NGEF: variants seen among roughly 807,000 people sequenced by gnomAD.
NGEF encodes the protein ephexin-1.
Under a neutral mutation model 80.9 loss-of-function variants are expected in NGEF, and 31 were observed. The ratio of observed to expected loss-of-function variants is 0.38; its 90% CI spans 0.29 to 0.52. The LOEUF is 0.52. NGEF is among the 20% of genes least tolerant of loss of function. NGEF has a pLI of 0.84. For missense variants in NGEF, 709 were observed against 926.2 expected, an observed-to-expected ratio of 0.77 and a Z score of 3.04; for synonymous variants, 371 against 370.2, an observed-to-expected ratio of 1.00 and a Z score of -0.03.
intron 4 of NGEF, 145 bp downstream of exon 4, chr2:232,926,899 C>G (rs1274726740): frequency 5.7e-6 from 6 of 1,058,266 alleles, no homozygotes; most frequent in Admixed American, 2.3e-5. Flanking sequence ...CATTTAGAGC[C>G]AAACATGTCA....
rs116542264 is a variant in NGEF, at chr2:232,947,005, T to C, written c.384-19819A>G. Among the ~76,000 whole-genome samples, 443 of 152,284 alleles carry C rather than the reference T, an allele frequency of 2.9e-3. 1 individual carries two copies. Among genetic ancestry groups the C allele is most frequent in the African/African-American group, 0.01 (416 of 41,562 alleles). On this transcript the variant is annotated intron_variant, in intron 3 of 14. Transcript: ENST00000264051. ...TGAGGAGTGCTAGAACATTCCCATTTTGCAAAAATGTAATAGTTGGTTCAG... is the reference window on the plus strand; with the variant it reads ...TGAGGAGTGCTAGAACATTCCCATTCTGCAAAAATGTAATAGTTGGTTCAG...
chr2:232,930,476 C>T (rs558086010), intron 3 of NGEF, among the ~76,000 whole-genome samples: 5 of 152,204 alleles, frequency 3.3e-5, no homozygotes, highest in South Asian at 2.1e-4. Flanking sequence ...CCCGCCACCA[C>T]GCCTGGCTAA....
chr2:232,879,426 C>G lies in NGEF; in HGVS notation c.*63G>C, dbSNP rs539273364. The G allele has an allele frequency of 2.8e-6, 4 of 1,435,492 alleles. No individual in the cohort carries two copies. Among genetic ancestry groups the G allele is most frequent in the East Asian group, 2.3e-5 (1 of 43,382 alleles). 88.9% of individuals were successfully genotyped at this position (1,435,492 alleles called of 1,614,324 possible). On this transcript the variant is annotated 3_prime_UTR_variant, in exon 15 of 15. Coordinates refer to ENST00000264051, the MANE Select transcript of NGEF (RefSeq NM_019850.3). ...CTGGCCTGTGCTTCCCAGAGCCCCC[C>G]CCCCCCCACCTTCTGTCGGGGTCTC...
intron 5 of NGEF, among the ~76,000 whole-genome samples, chr2:232,917,827 G>C (rs1050551828): frequency 1.3e-5 from 2 of 152,042 alleles, no homozygotes; most frequent in Admixed American, 1.3e-4. Context: ...AGGCCGGAGG[G>C]CAGTGGCACC....
At chr2:232,991,699 G>T (rs1172707311) in intron 1 of NGEF, among the ~76,000 whole-genome samples, 2 of 152,146 alleles carry the variant, frequency 1.3e-5, no homozygotes, top group African/African-American at 4.8e-5. Flanking sequence ...AACACGACTT[G>T]ATTAAAATCC....
At chr2:232,903,112 G>A (rs1047986946) in intron 5 of NGEF, among the ~76,000 whole-genome samples, 3 of 152,350 alleles carry the variant, frequency 2.0e-5, no homozygotes, top group Admixed American at 6.5e-5. Flanking sequence ...TATGTGGCTA[G>A]TGTGTGAAGG....
intron 4 of NGEF, among the ~76,000 whole-genome samples, chr2:232,923,048 C>T (rs1692978016): frequency 1.3e-5 from 2 of 150,778 alleles, no homozygotes; most frequent in African/African-American, 2.4e-5. Flanking sequence ...CTAGCCTGGG[C>T]GAAAACAGCG....
intron 5 of NGEF, among the ~76,000 whole-genome samples, chr2:232,912,848 A>T (rs1199402684): frequency 6.6e-6 from 1 of 152,072 alleles, no homozygotes; most frequent in East Asian, 1.9e-4. Context: ...AGGATTCATC[A>T]TGTCTCCTTT....
Position 232,892,823 on chromosome 2 carries a change from G to A in NGEF, c.1142+75C>T. The A allele has an allele frequency of 6.7e-7, 1 of 1,494,632 alleles. No individual in the cohort carries two copies. The highest frequency in any genetic ancestry group is 1.8e-5 in the Admixed American group (1 of 55,458). 92.6% of individuals were successfully genotyped at this position (1,494,632 alleles called of 1,614,324 possible). A position where few individuals can be genotyped will look rare whatever the true frequency, so the allele number is the denominator to read the frequency against. On this transcript the variant is annotated intron_variant, in intron 7 of 14. Transcript: ENST00000264051. The surrounding 1 kb of genome is among the most constrained non-coding windows in gnomAD (Gnocchi z 4.0). ...GGACCATGAAGTGTCACCGTGTAAG[G>A]AGCCTGGGCCAGCACTGGTATGGCT... is the stretch of plus-strand genomic sequence containing the variant.
intron 5 of NGEF, among the ~76,000 whole-genome samples, chr2:232,913,692 C>T (rs917825612): frequency 1.3e-5 from 2 of 152,094 alleles, no homozygotes; most frequent in Admixed American, 1.3e-4. Context: ...AGGCCTGAGG[C>T]AGGTGATCAC....
At chr2:232,959,711 C>T (rs540508246) in intron 3 of NGEF, among the ~76,000 whole-genome samples, 1 of 152,038 alleles carries the variant, frequency 6.6e-6, no homozygotes, top group East Asian at 1.9e-4. Context: ...TCCCGAGTAG[C>T]TGGGATTACA....
intron 10 of NGEF, 82 bp from the exon 11 acceptor site, chr2:232,884,226 A>G (rs1691602563): frequency 7.2e-7 from 1 of 1,387,216 alleles, no homozygotes. Flanking sequence ...CGTCTGTCAC[A>G]TTCCCTGACA....
At chr2:232,880,232 T>C (rs1691448981) in intron 14 of NGEF, among the ~76,000 whole-genome samples, 1 of 152,322 alleles carries the variant, frequency 6.6e-6, no homozygotes, top group Non-Finnish European at 1.5e-5. Flanking sequence ...ACGAGTAGTC[T>C]CAGCGTCAAC....
At chr2:232,956,905 G>A (rs7603557) in intron 3 of NGEF, among the ~76,000 whole-genome samples, 120,195 of 151,576 alleles carry the variant, frequency 0.79, 48,225 homozygotes, top group African/African-American at 0.92. Flanking sequence ...AAATAAAACA[G>A]TAAATCCAAG....
intron 4 of NGEF, among the ~76,000 whole-genome samples, chr2:232,921,735 C>A (rs532796513): frequency 6.6e-6 from 1 of 152,090 alleles, no homozygotes; most frequent in South Asian, 2.1e-4. Flanking sequence ...TCCCTTCAGC[C>A]TCCCCAGTGC....
intron 5 of NGEF, among the ~76,000 whole-genome samples, chr2:232,906,358 C>CG (rs1692537426): frequency 7.7e-6 from 1 of 129,202 alleles, no homozygotes; most frequent in South Asian, 2.5e-4. Flanking sequence ...GGGGGTCAGC[C>CG]CCCCGCCCGG....
intron 1 of NGEF, among the ~76,000 whole-genome samples, chr2:233,004,106 A>G (rs1007610874): frequency 6.6e-6 from 1 of 152,064 alleles, no homozygotes; most frequent in Admixed American, 6.5e-5. Context: ...CGATCATGTC[A>G]TAACTTCTCT....
chr2:232,920,659 G>A, intron 4 of NGEF, 74 bp from the exon 5 acceptor site: 1 of 1,423,210 alleles, frequency 7.0e-7, no homozygotes, highest in Non-Finnish European at 9.4e-7. Flanking sequence ...CTAAGTCAAG[G>A]CTTCGTGTTC....
chr2:232,888,147 T>C, intron 8 of NGEF, 40 bp from the exon 9 acceptor site: 1 of 1,490,798 alleles, frequency 6.7e-7, no homozygotes, highest in South Asian at 1.3e-5. Flanking sequence ...TAATCTTTTC[T>C]GGTCTTTCCT....
Sources: allele counts gnomAD v4.1 joint callset (sites outside exome capture counted in the v4.1 genomes callset), GRCh38; gene constraint gnomAD v4.1.1; non-coding constraint Gnocchi (gnomAD v3.1); transcripts MANE v1.5; gene names NCBI Gene and HGNC (gene_info 2026-07-23, HGNC 2026-07-21).